The following KIF26B variants were observed in gnomAD, a reference collection of about 807,000 sequenced individuals.
KIF26B encodes the protein kinesin family member 26B.
A neutral mutation model predicts 151.2 loss-of-function variants in KIF26B; 63 were observed. The observed-to-expected ratio is 0.42, with a 90% CI of 0.34 to 0.51. The LOEUF (loss-of-function observed/expected upper bound fraction) is 0.51, where lower values mean the gene tolerates loss of function less well. Among genes scored for constraint, KIF26B ranks in the 20% least tolerant of loss-of-function variants. The pLI, the probability that KIF26B is intolerant of heterozygous loss-of-function variation, is 0.07. For missense variants in KIF26B, 2,813 were observed against 2,913.6 expected, an observed-to-expected ratio of 0.97 and a Z score of 0.79; for synonymous variants, 1,357 against 1,262.1, an observed-to-expected ratio of 1.08 and a Z score of -1.59.
chr1:245,657,723 CTCACTCATTCAT>C (rs1349283858), intron 10 of KIF26B, among the ~76,000 whole-genome samples: 1 of 152,154 alleles, frequency 6.6e-6, no homozygotes, highest in East Asian at 1.9e-4. Context: ...TGTTCATTCA[CTCACTCATTCAT>C]TCATTCAATC....
At chr1:245,599,469 T>C (rs2043368987) in intron 5 of KIF26B, among the ~76,000 whole-genome samples, 1 of 152,228 alleles carries the variant, frequency 6.6e-6, no homozygotes, top group South Asian at 2.1e-4. Context: ...GAGCATTCCT[T>C]CTGGACCAAT....
intron 3 of KIF26B, among the ~76,000 whole-genome samples, chr1:245,398,625 A>G (rs1673918228): frequency 6.6e-6 from 1 of 152,144 alleles, no homozygotes; most frequent in African/African-American, 2.4e-5. Flanking sequence ...ATGTGAGCCC[A>G]GTCATCACTC....
In KIF26B at chr1:245,265,155, T is replaced by A. The variant is rs191595276; in HGVS notation, c.466-101679T>A. On this transcript the variant is annotated intron_variant, in intron 2 of 14. Transcript: ENST00000407071. ...AGGCGGAGCTGGCAGTGAGTGGAGA[T>A]CTTGCCACTGCATTCCAGTCTGGGT... 1.5e-3 allele frequency among the ~76,000 whole-genome samples: 221 copies of A among 145,102 alleles called. 1 individual carries two copies. The highest frequency in any genetic ancestry group is 5.5e-3 in the African/African-American group (211 of 38,646).
At chr1:245,695,701 ATTT>A (rs1439162675) in intron 12 of KIF26B, among the ~76,000 whole-genome samples, 59 of 152,332 alleles carry the variant, frequency 3.9e-4, no homozygotes, top group African/African-American at 1.3e-3. Flanking sequence ...CCGCCAGGAT[ATTT>A]CTGTGAAGCT....
intron 7 of KIF26B, 74 bp downstream of exon 7, chr1:245,607,818 C>G (rs754657970): frequency 6.0e-5 from 71 of 1,177,788 alleles, no homozygotes; most frequent in Admixed American, 8.4e-5. Flanking sequence ...TGTCTCCCTC[C>G]CAGAGTTCTC....
chr1:245,371,124 C>T (rs1034553643), intron 3 of KIF26B, among the ~76,000 whole-genome samples: 1 of 152,174 alleles, frequency 6.6e-6, no homozygotes, highest in Non-Finnish European at 1.5e-5. Flanking sequence ...AACTCCAGAA[C>T]AGACCAATTC....
At chr1:245,589,383 C>T (rs1018940679) in intron 5 of KIF26B, among the ~76,000 whole-genome samples, 7 of 152,226 alleles carry the variant, frequency 4.6e-5, no homozygotes, top group African/African-American at 1.4e-4. Flanking sequence ...GAACTGAATG[C>T]GGTCTGTATT....
intron 4 of KIF26B, among the ~76,000 whole-genome samples, chr1:245,432,729 C>T (rs894437887): frequency 2.0e-5 from 3 of 152,154 alleles, no homozygotes; most frequent in South Asian, 2.1e-4. Context: ...AGAGGCTCAG[C>T]GTGCTTATGA....
chr1:245,702,552 C>A lies in KIF26B; in HGVS notation c.6273C>A (p.Cys2091Ter). The A allele has an allele frequency of 6.2e-7, 1 of 1,613,966 alleles. No homozygotes were observed. The highest frequency in any genetic ancestry group is 8.5e-7 in the Non-Finnish European group (1 of 1,179,886). The change falls in exon 15 of 15, where the codon TGC (cysteine) becomes TGA (stop). Residue 2091 changes from cysteine (C) to a stop codon, truncating the protein, a stop_gained. Coordinates refer to ENST00000407071, the MANE Select transcript of KIF26B (RefSeq NM_018012.4). LOFTEE classifies it high-confidence loss of function. The surrounding 1 kb of genome is among the most constrained non-coding windows in gnomAD (Gnocchi z 4.1). ...GCCTGGAGAGCCGTGTCAACTTCTG[C>A]AAGGCCCATCTCATGATGATCACCT... ...TERLESRVNF[C>*]KAHLMMITCF...
intron 2 of KIF26B, among the ~76,000 whole-genome samples, chr1:245,232,459 C>G (rs1271615557): frequency 6.6e-6 from 1 of 151,648 alleles, no homozygotes; most frequent in Admixed American, 6.6e-5. Flanking sequence ...ATTATGACTT[C>G]ATTATTTATG....
In KIF26B at chr1:245,476,608, T is replaced by C. The variant is rs571632743; in HGVS notation, c.1166+56863T>C. The stretch of plus-strand genomic sequence containing the variant: ...TGAAGTGCAGTGGCGTGACCTTGGC[T>C]CACTGCAGCCTTGACCTCCCGGGCT... On this transcript the variant is annotated intron_variant, in intron 4 of 14. Coordinates refer to ENST00000407071, the MANE Select transcript of KIF26B (RefSeq NM_018012.4). Among the ~76,000 whole-genome samples the C allele has an allele frequency of 3.3e-5, 5 of 151,666 alleles. No individual in the cohort carries two copies. The South Asian group carries it at 1.1e-3, about 32-fold the overall frequency.
At chr1:245,578,976 A>G (rs1379393948) in intron 5 of KIF26B, among the ~76,000 whole-genome samples, 3 of 152,340 alleles carry the variant, frequency 2.0e-5, no homozygotes, top group Non-Finnish European at 2.9e-5. Flanking sequence ...GAGAGAAAAT[A>G]GTTTCTGGTT....
chr1:245,473,535 C>T (rs953646726), intron 4 of KIF26B, among the ~76,000 whole-genome samples: 2 of 147,160 alleles, frequency 1.4e-5, no homozygotes, highest in Non-Finnish European at 3.1e-5. Flanking sequence ...CACTCACTTG[C>T]TTTTTAAATG....
At chr1:245,610,718 A>G (rs745767538) in intron 8 of KIF26B, among the ~76,000 whole-genome samples, 2 of 152,248 alleles carry the variant, frequency 1.3e-5, no homozygotes, top group African/African-American at 4.8e-5. Flanking sequence ...GCTAAGAAAA[A>G]GAAGAAAAGA....
intron 3 of KIF26B, chr1:245,371,278 CTGAG>C (rs1298988572): frequency 3.3e-5 from 5 of 152,568 alleles, no homozygotes; most frequent in South Asian, 2.1e-4. Flanking sequence ...TCTGGCCAGA[CTGAG>C]TGTCTCCTGT....
In KIF26B at chr1:245,156,650, G is replaced by A. The variant is rs886250607; in HGVS notation, c.432G>A (p.Leu144=). 4.6e-6 allele frequency: 7 copies of A among 1,515,818 alleles called. No individual in the cohort carries two copies. The African/African-American group carries it at 1.0e-4, about 22-fold the overall frequency. The allele number at this position is 1,515,818 out of a possible 1,614,324, so 93.9% of individuals were successfully genotyped here. Residue 144 remains leucine (L), a synonymous_variant, in exon 2 of 15, where the codon CTG becomes CTA. Transcript: ENST00000407071. ...TGGTGGAGCTCAAGAGGCAGGCCCT[G>A]AGGTTGCTCCTCCCGGGGCCCTTCC... is the stretch of plus-strand genomic sequence containing the variant. The part of the protein sequence containing the change: ...ARLVELKRQA[L]RLLLPGPFPG...
Position 245,598,797 on chromosome 1 carries a change from C to T in KIF26B, c.1351-3780C>T, listed in dbSNP as rs57576891. 3.9e-3 allele frequency among the ~76,000 whole-genome samples: 601 copies of T among 152,266 alleles called. 8 individuals are homozygous for T. The highest frequency in any genetic ancestry group is 0.014 in the African/African-American group (575 of 41,552). On this transcript the variant is annotated intron_variant, in intron 5 of 14. Coordinates refer to ENST00000407071, the MANE Select transcript of KIF26B (RefSeq NM_018012.4). ...AGAGCAACAGCTGTCCCAATCCATC[C>T]GTGGAATAAACAAACAGGGCAGAGC...
intron 2 of KIF26B, among the ~76,000 whole-genome samples, chr1:245,159,436 T>C (rs1668499553): frequency 6.6e-6 from 1 of 152,214 alleles, no homozygotes; most frequent in African/African-American, 2.4e-5. Flanking sequence ...TTAACTTTCC[T>C]ATTAATATCC....
chr1:245,482,953 C>T (rs536271491), intron 4 of KIF26B, among the ~76,000 whole-genome samples: 10 of 151,872 alleles, frequency 6.6e-5, no homozygotes, highest in South Asian at 2.1e-4. Flanking sequence ...TCATCAATTC[C>T]GTGTTAGAAC....
Sources: allele counts gnomAD v4.1 joint callset (sites outside exome capture counted in the v4.1 genomes callset), GRCh38; gene constraint gnomAD v4.1.1; non-coding constraint Gnocchi (gnomAD v3.1); transcripts MANE v1.5; gene names NCBI Gene and HGNC (gene_info 2026-07-23, HGNC 2026-07-21).